The following CAPN9 variants were observed in gnomAD, a reference collection of about 807,000 sequenced individuals.
CAPN9 encodes the protein calpain 9.
A neutral mutation model predicts 92.8 loss-of-function variants in CAPN9; 81 were observed. The ratio of observed to expected loss-of-function variants is 0.87; its 90% CI spans 0.73 to 1.05. The LOEUF is 1.05. CAPN9 is among the 50% of genes least tolerant of loss of function. The pLI, the probability that CAPN9 is intolerant of heterozygous loss-of-function variation, is 0.00. For synonymous variants in CAPN9, 304 were observed against 328.0 expected, an observed-to-expected ratio of 0.93 and a Z score of 0.79; for missense variants, 848 against 866.2, an observed-to-expected ratio of 0.98 and a Z score of 0.26.
At chr1:230,753,815 T>C (rs956977237) in intron 1 of CAPN9, among the ~76,000 whole-genome samples, 1 of 151,902 alleles carries the variant, frequency 6.6e-6, no homozygotes, top group African/African-American at 2.4e-5. Context: ...GATTGGCTGT[T>C]ACCTCTCCCG....
intron 7 of CAPN9, among the ~76,000 whole-genome samples, chr1:230,773,508 A>C (rs146370401): frequency 6.6e-6 from 1 of 152,172 alleles, no homozygotes; most frequent in African/African-American, 2.4e-5. Flanking sequence ...ACTGAGAGCC[A>C]AGGCTGGAAT....
chr1:230,753,795 G>C (rs1665015644), intron 1 of CAPN9, among the ~76,000 whole-genome samples: 1 of 151,884 alleles, frequency 6.6e-6, no homozygotes, highest in Non-Finnish European at 1.5e-5. Flanking sequence ...AACGGGCCTC[G>C]CTGCCACAGG....
Position 230,747,428 on chromosome 1 carries a change from A to C in CAPN9, c.-69A>C. The C allele has an allele frequency of 7.3e-7, 1 of 1,373,678 alleles. No individual in the cohort carries two copies. The highest frequency in any genetic ancestry group is 2.3e-5 in the East Asian group (1 of 43,740). 85.1% of individuals were successfully genotyped at this position (1,373,678 alleles called of 1,614,324 possible). A position where few individuals can be genotyped will look rare whatever the true frequency, so the allele number is the denominator to read the frequency against. On this transcript the variant is annotated 5_prime_UTR_variant, in exon 1 of 20. Coordinates refer to ENST00000271971, the MANE Select transcript of CAPN9 (RefSeq NM_006615.3). The stretch of plus-strand genomic sequence containing the variant: ...TGAGCTGTTCCTTCTTGACCGGCAC[A>C]CACAGCTCGCTTCTTCACTTTCTTT...
At chr1:230,786,633 C>T (rs1340808767) in intron 12 of CAPN9, among the ~76,000 whole-genome samples, 1 of 152,130 alleles carries the variant, frequency 6.6e-6, no homozygotes, top group East Asian at 1.9e-4. Context: ...GCATGAGAAC[C>T]TTCTGGCCTT....
intron 13 of CAPN9, 42 bp downstream of exon 13, chr1:230,787,644 C>T: frequency 6.5e-7 from 1 of 1,540,260 alleles, no homozygotes. Flanking sequence ...AGGCTGAGGG[C>T]CTGGACCTGC....
intron 12 of CAPN9, among the ~76,000 whole-genome samples, chr1:230,787,128 ACTCTT>A (rs1667645599): frequency 6.6e-6 from 1 of 152,140 alleles, no homozygotes; most frequent in East Asian, 1.9e-4. Context: ...GTAGAAACAG[ACTCTT>A]GCCTTCAACG....
intron 11 of CAPN9, among the ~76,000 whole-genome samples, chr1:230,785,767 C>G (rs1667537680): frequency 6.6e-6 from 1 of 152,234 alleles, no homozygotes; most frequent in South Asian, 2.1e-4. Flanking sequence ...AACACAATGG[C>G]TGTCCCTCTT....
At chr1:230,765,763 G>T (rs570530369) in intron 4 of CAPN9, among the ~76,000 whole-genome samples, 1 of 152,330 alleles carries the variant, frequency 6.6e-6, no homozygotes. Context: ...ATAAATAAAT[G>T]TGGAAGAAGG....
At chr1:230,801,224 C>A (rs560520566) in intron 19 of CAPN9, among the ~76,000 whole-genome samples, 17 of 152,200 alleles carry the variant, frequency 1.1e-4, no homozygotes, top group African/African-American at 4.1e-4. Flanking sequence ...GTGAGAGGAC[C>A]CCTCATCAAC....
intron 8 of CAPN9, among the ~76,000 whole-genome samples, chr1:230,775,369 A>T (rs1666687598): frequency 6.6e-6 from 1 of 152,122 alleles, no homozygotes; most frequent in South Asian, 2.1e-4. Flanking sequence ...GCATCTAAAG[A>T]TATCGACCTA....
chr1:230,767,764 T>C lies in CAPN9; in HGVS notation c.705+55T>C. 4 of 1,525,780 alleles carry C rather than the reference T, an allele frequency of 2.6e-6. No individual in the cohort carries two copies. The South Asian group carries it at 4.7e-5, about 18-fold the overall frequency. The allele number at this position is 1,525,780 out of a possible 1,614,324, so 94.5% of individuals were successfully genotyped here. A position where few individuals can be genotyped will look rare whatever the true frequency, so the allele number is the denominator to read the frequency against. ...CACTATGCTGGGGCTGCATAGTGCA[T>C]TCCAGGCACTATGCTGGGGCTGTAC... On this transcript the variant is annotated intron_variant, in intron 5 of 19. Coordinates refer to ENST00000271971, the MANE Select transcript of CAPN9 (RefSeq NM_006615.3).
In CAPN9 at chr1:230,768,544, G is replaced by GTT. The variant is rs34574106; in HGVS notation, c.706-625_706-624dup. ...CTTCCTATCTAGTTTTCTGAAATTT[G>GTT]TTTTTTTTTTTTCATTTCATGTACT... is the stretch of plus-strand genomic sequence containing the variant. On this transcript the variant is annotated intron_variant, in intron 5 of 19. Coordinates refer to ENST00000271971, the MANE Select transcript of CAPN9 (RefSeq NM_006615.3). Among the ~76,000 whole-genome samples the GTT allele has an allele frequency of 4.2e-3, 605 of 144,200 alleles. 7 individuals are homozygous for GTT. The highest frequency in any genetic ancestry group is 0.012 in the African/African-American group (488 of 39,544). The allele number at this position is 144,200 out of a possible 152,430, so 94.6% of individuals were successfully genotyped here.
At chr1:230,774,739 C>CTTTTTTTTTT in intron 8 of CAPN9, 108 bp downstream of exon 8, 1 of 385,288 alleles carries the variant, frequency 2.6e-6, no homozygotes. Context: ...TTCTTTCTTT[C>CTTTTTTTTTT]TTTTTTTTTT....
rs771056282 is a variant in CAPN9 at position 230,780,286 on chromosome 1, C to T, written c.1222C>T (p.Leu408Phe). 13 of 1,614,128 alleles carry T rather than the reference C, an allele frequency of 8.1e-6. No homozygotes were observed. The East Asian group carries it at 2.7e-4, about 33-fold the overall frequency. Residue 408 changes from leucine to phenylalanine, a missense_variant, in exon 10 of 20, where the codon CTC becomes TTC. Transcript: ENST00000271971. ...VALMQKDRRK[L>F]KRFGANVLTI... ...CCTGATGCAGAAAGATAGAAGGAAA[C>T]TCAAGAGATTTGGTGCCAATGTGCT... is the stretch of plus-strand genomic sequence containing the variant.
At chr1:230,786,846 T>C (rs1195732350) in intron 12 of CAPN9, among the ~76,000 whole-genome samples, 1 of 152,064 alleles carries the variant, frequency 6.6e-6, no homozygotes, top group Non-Finnish European at 1.5e-5. Context: ...GGGGAACACA[T>C]TACATCTCCC....
intron 2 of CAPN9, among the ~76,000 whole-genome samples, chr1:230,758,126 C>A (rs139496277): frequency 3.2e-4 from 49 of 152,304 alleles, no homozygotes; most frequent in African/African-American, 1.2e-3. Context: ...AAGCTCAGAG[C>A]ATTTCTGGCT....
chr1:230,789,500 A>G (rs201270414), intron 13 of CAPN9, among the ~76,000 whole-genome samples: 16,573 of 138,184 alleles, frequency 0.12, 1,748 homozygotes, highest in African/African-American at 0.28. Context: ...AAAAAAAAAA[A>G]GCCTGAGTCT....
chr1:230,787,609 C>T lies in CAPN9; in HGVS notation c.1599+7C>T. 1 of 1,611,796 alleles carries T rather than the reference C, an allele frequency of 6.2e-7. No homozygotes were observed. Among genetic ancestry groups the T allele is most frequent in the Non-Finnish European group, 8.5e-7 (1 of 1,178,000 alleles). On this transcript the variant is annotated splice_region_variant and intron_variant, in intron 13 of 19. Transcript: ENST00000271971. ...TGAACAAGTCGCTGGTGAGGTAGGA[C>T]ATGCCCCACTTCCATCTCCCCACCA...
In CAPN9 at chr1:230,780,332, A is replaced by T. The variant is rs765787380; in HGVS notation, c.1268A>T (p.Tyr423Phe). 4 of 1,613,828 alleles carry T rather than the reference A, an allele frequency of 2.5e-6. No individual in the cohort carries two copies. The highest frequency in any genetic ancestry group is 3.4e-6 in the Non-Finnish European group (4 of 1,179,942). ...ANVLTIGYAI[Y>F]ECPDKDEHLN... The stretch of plus-strand genomic sequence containing the variant: ...GTGCTGACAATCGGCTATGCCATTT[A>T]TGAGGTAGGTGGGAACCACACTGCA... The change falls in exon 10 of 20, where the codon TAT becomes TTT. Residue 423 changes from tyrosine to phenylalanine, a missense_variant. Coordinates refer to ENST00000271971, the MANE Select transcript of CAPN9 (RefSeq NM_006615.3).
Sources: gnomAD v4.1 joint callset for allele counts (sites outside exome capture counted in the v4.1 genomes callset) on GRCh38, gnomAD v4.1.1 for gene constraint, MANE v1.5 for transcripts, NCBI Gene and HGNC (gene_info 2026-07-23, HGNC 2026-07-21) for gene names.